The following GPC6 variants were observed in gnomAD, a reference collection of about 807,000 sequenced individuals.
GPC6 encodes glypican 6.
In GPC6, 14 loss-of-function variants were observed where a neutral mutation model predicts 55.2. That is an observed-to-expected ratio of 0.25 (90% CI 0.17 to 0.40). The LOEUF is 0.40. GPC6 is among the 10% of genes least tolerant of loss of function. The pLI is 1.00. For synonymous variants in GPC6, 278 were observed against 259.6 expected, an observed-to-expected ratio of 1.07 and a Z score of -0.68; for missense variants, 641 against 708.5, an observed-to-expected ratio of 0.90 and a Z score of 1.08.
At chr13:93,380,458 T>C (rs1875115120) in intron 1 of GPC6, among the ~76,000 whole-genome samples, 1 of 152,200 alleles carries the variant, frequency 6.6e-6, no homozygotes, top group African/African-American at 2.4e-5. Context: ...GGGTGATGCG[T>C]AAAGAGAAGC....
intron 1 of GPC6, among the ~76,000 whole-genome samples, chr13:93,269,772 A>C (rs1594063449): frequency 4.4e-5 from 1 of 22,986 alleles, no homozygotes; most frequent in African/African-American, 3.3e-4. Flanking sequence ...AAAAATACCA[A>C]AAAAAAAAAA....
At chr13:93,452,928 A>G (rs1878283575) in intron 1 of GPC6, among the ~76,000 whole-genome samples, 1 of 152,306 alleles carries the variant, frequency 6.6e-6, no homozygotes, top group Non-Finnish European at 1.5e-5. Context: ...CATTTCCCCA[A>G]TTCCTGTAAT....
intron 2 of GPC6, among the ~76,000 whole-genome samples, chr13:93,671,155 A>T (rs995785862): frequency 2.6e-5 from 4 of 152,182 alleles, no homozygotes; most frequent in African/African-American, 7.2e-5. Context: ...AAGAACAGGG[A>T]GTTCCACAAT....
intron 3 of GPC6, among the ~76,000 whole-genome samples, chr13:94,003,552 A>G (rs997215723): frequency 1.3e-5 from 2 of 152,204 alleles, no homozygotes; most frequent in African/African-American, 4.8e-5. Flanking sequence ...TGAAAACAAG[A>G]CCTTTTTTGT....
intron 6 of GPC6, among the ~76,000 whole-genome samples, chr13:94,370,433 G>T (rs1479808303): frequency 6.6e-6 from 1 of 152,142 alleles, no homozygotes; most frequent in Non-Finnish European, 1.5e-5. Flanking sequence ...AACCCTTCAA[G>T]GATAGAGACT....
chr13:93,986,466 G>A (rs867750319), intron 3 of GPC6, among the ~76,000 whole-genome samples: 1 of 152,026 alleles, frequency 6.6e-6, no homozygotes, highest in Non-Finnish European at 1.5e-5. Context: ...CAGAAGATAA[G>A]AAATAAAGAA....
At chr13:93,290,243 C>T (rs1476150518) in intron 1 of GPC6, among the ~76,000 whole-genome samples, 1 of 152,014 alleles carries the variant, frequency 6.6e-6, no homozygotes, top group East Asian at 1.9e-4. Context: ...CAAATGCAGG[C>T]AGTGGCTGCT....
intron 2 of GPC6, among the ~76,000 whole-genome samples, chr13:93,702,581 G>A (rs182834739): frequency 1.3e-5 from 2 of 151,896 alleles, no homozygotes; most frequent in Non-Finnish European, 2.9e-5. Flanking sequence ...GTCCTCGATG[G>A]CATCTCTTTC....
chr13:93,883,037 C>G (rs1875092941), intron 3 of GPC6, among the ~76,000 whole-genome samples: 1 of 151,506 alleles, frequency 6.6e-6, no homozygotes, highest in Non-Finnish European at 1.5e-5. Context: ...CTCCTGCTTC[C>G]TTAAATAAAA....
chr13:93,792,501 G>A (rs1886074050), intron 2 of GPC6, among the ~76,000 whole-genome samples: 1 of 152,084 alleles, frequency 6.6e-6, no homozygotes, highest in South Asian at 2.1e-4. Context: ...CGTAGAGATG[G>A]TTTTTCACCA....
intron 1 of GPC6, among the ~76,000 whole-genome samples, chr13:93,384,080 A>T (rs1875293531): frequency 6.6e-6 from 1 of 152,178 alleles, no homozygotes; most frequent in East Asian, 1.9e-4. Flanking sequence ...AGATTCATAC[A>T]TCAACTAATT....
intron 4 of GPC6, among the ~76,000 whole-genome samples, chr13:94,197,198 T>G (rs1889604401): frequency 1.3e-5 from 2 of 152,104 alleles, no homozygotes; most frequent in African/African-American, 4.8e-5. Context: ...TCTGAGAAAC[T>G]CTACAGTATT....
chr13:93,425,827 A>C (rs1250706266), intron 1 of GPC6, among the ~76,000 whole-genome samples: 1 of 152,152 alleles, frequency 6.6e-6, no homozygotes, highest in African/African-American at 2.4e-5. Context: ...AGCACATTAC[A>C]AGGCAAATGT....
intron 4 of GPC6, among the ~76,000 whole-genome samples, chr13:94,283,769 A>G (rs554904565): frequency 6.6e-6 from 1 of 152,346 alleles, no homozygotes; most frequent in African/African-American, 2.4e-5. Context: ...TCATTAGCTG[A>G]CATACTGTAA....
intron 1 of GPC6, among the ~76,000 whole-genome samples, chr13:93,406,927 A>G (rs1433096077): frequency 6.6e-6 from 1 of 152,206 alleles, no homozygotes; most frequent in African/African-American, 2.4e-5. Flanking sequence ...AGAAAACTAA[A>G]GGGACATAGC....
At chr13:94,224,936 C>G (rs940168050) in intron 4 of GPC6, among the ~76,000 whole-genome samples, 6 of 152,116 alleles carry the variant, frequency 3.9e-5, no homozygotes, top group Non-Finnish European at 8.8e-5. Flanking sequence ...TGCTTCATCT[C>G]CTGTTACAGC....
chr13:93,820,792 C>A (rs768620271), intron 2 of GPC6, among the ~76,000 whole-genome samples: 1 of 151,686 alleles, frequency 6.6e-6, no homozygotes, highest in Admixed American at 6.6e-5. Context: ...TTAGGAGTGT[C>A]TCACTTTAAA....
chr13:93,310,706 C>T (rs1879036771), intron 1 of GPC6, among the ~76,000 whole-genome samples: 1 of 152,006 alleles, frequency 6.6e-6, no homozygotes, highest in Non-Finnish European at 1.5e-5. Flanking sequence ...TTTGAAAATG[C>T]GACTACCATG....
At chr13:93,894,011 G>A (rs1348740407) in intron 3 of GPC6, among the ~76,000 whole-genome samples, 4 of 152,108 alleles carry the variant, frequency 2.6e-5, no homozygotes, top group Non-Finnish European at 5.9e-5. Context: ...ACTCCATGAT[G>A]GCACTTACTT....
Sources: gnomAD v4.1 joint callset for allele counts (sites outside exome capture counted in the v4.1 genomes callset) on GRCh38, gnomAD v4.1.1 for gene constraint, MANE v1.5 for transcripts, NCBI Gene and HGNC (gene_info 2026-07-23, HGNC 2026-07-21) for gene names.